The following PSMD3 variants were observed in gnomAD, a reference collection of about 807,000 sequenced individuals.
The protein encoded by PSMD3 is proteasome 26S subunit, non-ATPase 3, also known as 26S proteasome non-ATPase regulatory subunit 3.
Under a neutral mutation model 62.8 loss-of-function variants are expected in PSMD3, and 5 were observed. That is an observed-to-expected ratio of 0.08 (90% CI 0.04 to 0.17). The LOEUF is 0.17. Among genes scored for constraint, PSMD3 ranks in the 10% least tolerant of loss-of-function variants. The pLI, the probability that PSMD3 is intolerant of heterozygous loss-of-function variation, is 1.00. For missense variants in PSMD3, 524 were observed against 713.6 expected (o/e 0.73, Z 3.03); for synonymous variants, 265 against 283.9 (o/e 0.93, Z 0.67).
intron 1 of PSMD3, 85 bp from the exon 2 acceptor site, chr17:39,984,199 CAAAAAAAAAA>C (rs34306234): frequency 8.6e-4 from 277 of 321,436 alleles, no homozygotes; most frequent in East Asian, 3.1e-3. Flanking sequence ...GACTCCGTCT[CAAAAAAAAAA>C]AAAAAAAAAA....
chr17:39,996,375 C>T lies in PSMD3; in HGVS notation c.1476+37C>T. 6.2e-7 allele frequency: 1 copy of T among 1,601,212 alleles called. No homozygotes were observed. Among genetic ancestry groups the T allele is most frequent in the South Asian group, 1.1e-5 (1 of 89,966 alleles). ...GTGGCTGCAGAGTCACGCCTGGCAG[C>T]AGCACACCCCTCCCTCCACACTCAT... On this transcript the variant is annotated intron_variant, in intron 10 of 11. Coordinates refer to ENST00000264639, the MANE Select transcript of PSMD3 (RefSeq NM_002809.4). This position sits in a 1 kb window ranked among gnomAD's most constrained non-coding sequence, Gnocchi z 5.1.
In PSMD3 at chr17:39,981,064, C is replaced by T; in HGVS notation, c.94C>T (p.Pro32Ser). The T allele has an allele frequency of 6.5e-7, 1 of 1,550,294 alleles. No homozygotes were observed. The highest frequency in any genetic ancestry group is 8.7e-7 in the Non-Finnish European group (1 of 1,146,736). ...GEQEPPPPPAPQDVEMKEEAA... is the reference protein window; with the variant it reads ...GEQEPPPPPASQDVEMKEEAA... Reference sequence around the variant, plus strand: ...ACAAGAACCCCCACCGCCGCCGGCCCCCCAGGATGTGGAGATGAAAGAGGA... The same window carrying T: ...ACAAGAACCCCCACCGCCGCCGGCCTCCCAGGATGTGGAGATGAAAGAGGA... The change falls in exon 1 of 12, where the codon CCC (proline) becomes TCC (serine). Residue 32 changes from proline to serine, a missense_variant. Physicochemically the swap from Pro to Ser is moderately conservative, Grantham distance 74. Transcript: ENST00000264639.
At position 39,996,604 on chromosome 17, in the gene PSMD3, ATT is replaced by A. The variant is rs1980790979; in HGVS notation, c.1476+268_1476+269del. ...AGGGATTCAGAGGGCGGGGTTCTACATTTGGTTCCAAATTTGAGGCATTTAAC... is the reference window on the plus strand; with the variant it reads ...AGGGATTCAGAGGGCGGGGTTCTACATGGTTCCAAATTTGAGGCATTTAAC... On this transcript the variant is annotated intron_variant, in intron 10 of 11. Transcript: ENST00000264639. The surrounding 1 kb of genome is among the most constrained non-coding windows in gnomAD (Gnocchi z 5.1). 2 of 634,664 alleles carry A rather than the reference ATT, an allele frequency of 3.2e-6. No homozygotes were observed. Among genetic ancestry groups the A allele is most frequent in the East Asian group, 6.5e-5 (2 of 30,564 alleles). 39.3% of individuals were successfully genotyped at this position (634,664 alleles called of 1,614,324 possible). A position where few individuals can be genotyped will look rare whatever the true frequency, so the allele number is the denominator to read the frequency against.
chr17:39,987,855 C>T (rs1395649673), intron 3 of PSMD3, among the ~76,000 whole-genome samples: 2 of 152,210 alleles, frequency 1.3e-5, no homozygotes, highest in Admixed American at 6.5e-5. Flanking sequence ...CGCCTGTAAT[C>T]CCAGCACCTT....
intron 3 of PSMD3, 120 bp downstream of exon 3, chr17:39,986,832 ACT>A: frequency 7.6e-7 from 1 of 1,320,118 alleles, no homozygotes; most frequent in South Asian, 1.4e-5. Flanking sequence ...TGTCCCCCAC[ACT>A]CTTTCCCCAT....
chr17:39,988,327 C>T (rs1332951990), intron 3 of PSMD3, among the ~76,000 whole-genome samples: 1 of 152,212 alleles, frequency 6.6e-6, no homozygotes, highest in Non-Finnish European at 1.5e-5. Flanking sequence ...AATGGAATTA[C>T]ACACCGTGTG....
rs1407055681 is a variant in PSMD3 at position 39,996,174 on chromosome 17, G to A, written c.1321-9G>A. Reference sequence around the variant, plus strand: ...GTGCTGGTGAACTTTCCTCTTTGGGGGCCTGCAGGCCATCCGGGATGGTGT... The same window carrying A: ...GTGCTGGTGAACTTTCCTCTTTGGGAGCCTGCAGGCCATCCGGGATGGTGT... On this transcript the variant is annotated splice_polypyrimidine_tract_variant and intron_variant, in intron 9 of 11. Coordinates refer to ENST00000264639, the MANE Select transcript of PSMD3 (RefSeq NM_002809.4). This position sits in a 1 kb window ranked among gnomAD's most constrained non-coding sequence, Gnocchi z 5.1. The A allele has an allele frequency of 1.2e-6, 2 of 1,613,770 alleles. No individual in the cohort carries two copies. Among genetic ancestry groups the A allele is most frequent in the South Asian group, 2.2e-5 (2 of 91,048 alleles).
chr17:39,995,452 C>G lies in PSMD3; in HGVS notation c.1245C>G (p.Ser415=). Residue 415 remains serine (S), a synonymous_variant, in exon 9 of 12, where the codon TCC becomes TCG. Transcript: ENST00000264639. This position sits in a 1 kb window ranked among gnomAD's most constrained non-coding sequence, Gnocchi z 4.1. ...TGVRMISLSY[S]RISLADIAQK... ...TACGCATGATCAGCCTCTCCTATTC[C>G]CGAATCTCCTTGGCTGACATCGCCC... 1 of 1,614,048 alleles carries G rather than the reference C, an allele frequency of 6.2e-7. No homozygotes were observed. The highest frequency in any genetic ancestry group is 1.3e-5 in the African/African-American group (1 of 75,008).
At chr17:39,981,325 A>G in intron 1 of PSMD3, 135 bp downstream of exon 1, 1 of 1,401,664 alleles carries the variant, frequency 7.1e-7, no homozygotes, top group Non-Finnish European at 9.5e-7. Flanking sequence ...ACCTGCTCCC[A>G]CTGCCCCGAC....
At chr17:39,981,222 A>G in intron 1 of PSMD3, 32 bp downstream of exon 1, 2 of 1,548,314 alleles carry the variant, frequency 1.3e-6, no homozygotes, top group Non-Finnish European at 1.7e-6. Context: ...ACGTGCCGCG[A>G]TCGCGGGTGA....
At chr17:39,982,063 A>C (rs1980400134) in intron 1 of PSMD3, among the ~76,000 whole-genome samples, 1 of 152,192 alleles carries the variant, frequency 6.6e-6, no homozygotes, top group African/African-American at 2.4e-5. Context: ...CAGACTACTT[A>C]CTAGGTTTTC....
intron 6 of PSMD3, chr17:39,994,661 T>C (rs1980738319): frequency 2.4e-6 from 1 of 421,658 alleles, no homozygotes; most frequent in Admixed American, 3.6e-5. Flanking sequence ...GGCCTCACTT[T>C]AGAGCACTGT....
chr17:39,985,637 T>C (rs1450046232), intron 2 of PSMD3, among the ~76,000 whole-genome samples: 1 of 152,194 alleles, frequency 6.6e-6, no homozygotes, highest in Non-Finnish European at 1.5e-5. Context: ...AGAACATCCC[T>C]GGAGGCAGGG....
At chr17:39,981,445 T>G (rs1467208110) in intron 1 of PSMD3, among the ~76,000 whole-genome samples, 1 of 152,206 alleles carries the variant, frequency 6.6e-6, no homozygotes, top group Admixed American at 6.5e-5. Context: ...TAGGTCCCAG[T>G]GGGCCTGGGG....
chr17:39,984,435 T>C lies in PSMD3; in HGVS notation c.362T>C (p.Phe121Ser). ...YVLYKAVQGF[F>S]TSNNATRDFL... ...CTGTATAAGGCTGTGCAGGGCTTCT[T>C]CACTTCAAATAATGCCACTCGAGAC... The change falls in exon 2 of 12, where the codon TTC (phenylalanine) becomes TCC (serine). Residue 121 changes from phenylalanine to serine, a missense_variant. Transcript: ENST00000264639. 1 of 1,613,258 alleles carries C rather than the reference T, an allele frequency of 6.2e-7. No individual in the cohort carries two copies. Among genetic ancestry groups the C allele is most frequent in the Non-Finnish European group, 8.5e-7 (1 of 1,179,710 alleles).
intron 6 of PSMD3, chr17:39,993,813 G>A (rs1403599413): frequency 6.6e-6 from 1 of 152,180 alleles, no homozygotes; most frequent in East Asian, 1.9e-4. Flanking sequence ...GAGGTAGACA[G>A]GCTAGGTATT....
Position 39,988,754 on chromosome 17 carries a change from C to T in PSMD3, c.621C>T (p.Ala207=), listed in dbSNP as rs144522090. The change falls in exon 4 of 12, where the codon GCC becomes GCT. Residue 207 remains alanine, a synonymous_variant. Transcript: ENST00000264639. ...ACCGCCGGGCCCTAGACCTTGTAGC[C>T]GCAAAGTGTTACTATTATCACGCCC... ...TQNRRALDLV[A]AKCYYYHARV... The T allele has an allele frequency of 1.4e-4, 230 of 1,614,138 alleles. 1 individual carries two copies. The African/African-American group carries it at 2.5e-3, about 18-fold the overall frequency.
intron 3 of PSMD3, among the ~76,000 whole-genome samples, chr17:39,987,834 A>C (rs1211708038): frequency 6.6e-6 from 1 of 152,180 alleles, no homozygotes; most frequent in Non-Finnish European, 1.5e-5. Context: ...CAGGCCAGGT[A>C]TGGTGGCTCA....
intron 1 of PSMD3, among the ~76,000 whole-genome samples, chr17:39,981,477 C>T (rs553123157): frequency 6.6e-6 from 1 of 152,304 alleles, no homozygotes; most frequent in South Asian, 2.1e-4. Flanking sequence ...TAAGTCCTCC[C>T]CTCTGACCTA....
Sources: gnomAD v4.1 joint callset for allele counts (sites outside exome capture counted in the v4.1 genomes callset) on GRCh38, gnomAD v4.1.1 for gene constraint, Gnocchi (gnomAD v3.1) non-coding constraint, MANE v1.5 for transcripts, NCBI Gene and HGNC (gene_info 2026-07-23, HGNC 2026-07-21) for gene names.